The following KIF5B variants were observed in gnomAD, a reference collection of about 807,000 sequenced individuals.
The protein encoded by KIF5B is kinesin family member 5B.
KIF5B carries 49 observed loss-of-function variants against 132.8 expected under a neutral mutation model. The observed-to-expected ratio is 0.37, with a 90% CI of 0.29 to 0.47. The LOEUF is 0.47. KIF5B is among the 20% of genes least tolerant of loss of function. The pLI is 1.00. For missense variants in KIF5B, 780 were observed against 1,144.0 expected (o/e 0.68, Z 4.59); for synonymous variants, 355 against 369.4 (o/e 0.96, Z 0.45).
At chr10:32,017,706 T>C (rs1841194878) in intron 23 of KIF5B, among the ~76,000 whole-genome samples, 1 of 152,332 alleles carries the variant, frequency 6.6e-6, no homozygotes, top group South Asian at 2.1e-4. Context: ...ACTGGGGTAT[T>C]AGGTATAAAA....
intron 24 of KIF5B, among the ~76,000 whole-genome samples, chr10:32,016,456 C>A (rs1841165746): frequency 6.6e-6 from 1 of 151,826 alleles, no homozygotes; most frequent in Admixed American, 6.6e-5. Flanking sequence ...AACTCCATCT[C>A]AAAAAACAAG....
In KIF5B at chr10:32,035,504, A is replaced by G. The variant is rs371842020; in HGVS notation, c.962+18T>C. On this transcript the variant is annotated intron_variant, in intron 10 of 25. Coordinates refer to ENST00000302418, the MANE Select transcript of KIF5B (RefSeq NM_004521.3). ...AGGTCTATCTAAATTTAGGTTTTGT[A>G]CTTTCTTAACAACAAACCTTTGGCC... is the stretch of plus-strand genomic sequence containing the variant. The G allele has an allele frequency of 2.2e-4, 358 of 1,594,586 alleles. No individual in the cohort carries two copies. The highest frequency in any genetic ancestry group is 3.0e-4 in the Non-Finnish European group (347 of 1,171,896).
chr10:32,041,444 A>T (rs1386681736), intron 2 of KIF5B, among the ~76,000 whole-genome samples: 2 of 152,158 alleles, frequency 1.3e-5, no homozygotes, highest in African/African-American at 4.8e-5. Flanking sequence ...TACACTCCAA[A>T]GCTTTATGTG....
intron 13 of KIF5B, 85 bp downstream of exon 13, chr10:32,032,621 C>T (rs1841415820): frequency 1.2e-5 from 12 of 1,039,578 alleles, no homozygotes; most frequent in African/African-American, 1.6e-5. Flanking sequence ...CAAAATTATA[C>T]AACTATTAAA....
chr10:32,021,373 A>G (rs1471196454), intron 17 of KIF5B, 86 bp from the exon 18 acceptor site: 11 of 937,486 alleles, frequency 1.2e-5, no homozygotes, highest in Admixed American at 2.2e-5. Flanking sequence ...TTTTACAATA[A>G]GCATTTTCCT....
At chr10:32,027,894 T>G (rs529019641) in intron 15 of KIF5B, among the ~76,000 whole-genome samples, 1 of 152,260 alleles carries the variant, frequency 6.6e-6, no homozygotes, top group Non-Finnish European at 1.5e-5. Flanking sequence ...TGAGCCACTA[T>G]GTCTGGTCCG....
intron 22 of KIF5B, 49 bp downstream of exon 22, chr10:32,018,267 G>T: frequency 1.4e-6 from 2 of 1,455,282 alleles, no homozygotes; most frequent in South Asian, 1.4e-5. Flanking sequence ...TAATTACCTA[G>T]AAGTAAGCAC....
At chr10:32,012,757 T>C (rs765653710) in intron 25 of KIF5B, among the ~76,000 whole-genome samples, 1 of 152,192 alleles carries the variant, frequency 6.6e-6, no homozygotes, top group Non-Finnish European at 1.5e-5. Flanking sequence ...ATATGAATTT[T>C]AATGTGAGGA....
In KIF5B at chr10:32,034,744, T is replaced by C. The variant is rs1259993549; in HGVS notation, c.1057A>G (p.Ile353Val). 5.0e-6 allele frequency: 8 copies of C among 1,609,466 alleles called. No homozygotes were observed. The African/African-American group carries it at 8.0e-5, about 16-fold the overall frequency. ...KYEKEKEKNK[I>V]LRNTIQWLEN... ...AGCCACTGAATAGTGTTCCGCAGGA[T>C]CTTATTTTTTTCTTTTTCTTTTTCA... Residue 353 changes from isoleucine to valine, a missense_variant, in exon 11 of 26, where the codon ATC (isoleucine) becomes GTC (valine). By Grantham distance (29) the Ile-to-Val change is conservative. This residue lies in a region of KIF5B where 471 missense variants were observed against 569.9 expected (regional missense o/e 0.83). Coordinates refer to ENST00000302418, the MANE Select transcript of KIF5B (RefSeq NM_004521.3).
In KIF5B at chr10:32,055,826, G is replaced by C. The variant is rs755943431; in HGVS notation, c.126+22C>G. 22 of 1,609,564 alleles carry C rather than the reference G, an allele frequency of 1.4e-5. No homozygotes were observed. The South Asian group carries it at 1.8e-4, about 13-fold the overall frequency. ...GCCGGCCCGAAGAAGCGGGAGGAGG[G>C]ATGCCGGCGGGGGTCACTCACCGCG... is the stretch of plus-strand genomic sequence containing the variant. On this transcript the variant is annotated intron_variant, in intron 1 of 25. Transcript: ENST00000302418.
intron 1 of KIF5B, among the ~76,000 whole-genome samples, chr10:32,052,650 CA>C (rs1280624520): frequency 6.6e-6 from 1 of 152,078 alleles, no homozygotes; most frequent in African/African-American, 2.4e-5. Flanking sequence ...CTGGTGTTTC[CA>C]GCAAGCTCAT....
chr10:32,028,154 G>C (rs889427994), intron 15 of KIF5B, among the ~76,000 whole-genome samples: 2 of 151,648 alleles, frequency 1.3e-5, no homozygotes, highest in African/African-American at 4.8e-5. Flanking sequence ...TGTAGAGACA[G>C]GGTTTCGCCA....
At chr10:32,019,235 C>T (rs1841224394) in intron 20 of KIF5B, among the ~76,000 whole-genome samples, 1 of 152,144 alleles carries the variant, frequency 6.6e-6, no homozygotes, top group South Asian at 2.1e-4. Context: ...GTATTCTAAA[C>T]AAAATTACAG....
intron 2 of KIF5B, among the ~76,000 whole-genome samples, chr10:32,040,987 CAAA>C (rs140467980): frequency 4.9e-5 from 5 of 101,326 alleles, no homozygotes; most frequent in Non-Finnish European, 6.0e-5. Flanking sequence ...GACACCATCT[CAAA>C]AAAAAAAAAA....
chr10:32,015,653 G>C lies in KIF5B; in HGVS notation c.2768C>G (p.Pro923Arg). Residue 923 changes from proline to arginine, a missense_variant, in exon 25 of 26, where the codon CCT (proline) becomes CGT (arginine). Coordinates refer to ENST00000302418, the MANE Select transcript of KIF5B (RefSeq NM_004521.3). ...RRGHSAQIAK[P>R]IRPGQHPAAS... The stretch of plus-strand genomic sequence containing the variant: ...TGCTGGATGTTGCCCGGGACGAATA[G>C]GTTTAGCTAATATGAAAAATAAAGA... The C allele has an allele frequency of 1.2e-6, 2 of 1,608,672 alleles. No individual in the cohort carries two copies.
rs1305783202 is a variant in KIF5B at position 32,010,349 on chromosome 10, C to A, written c.*1188G>T. 1 of 152,144 alleles carries A rather than the reference C, an allele frequency of 6.6e-6. No homozygotes were observed. The allele number at this position is 152,144 out of a possible 1,614,324, so 9.4% of individuals were successfully genotyped here. On this transcript the variant is annotated 3_prime_UTR_variant, in exon 26 of 26. Transcript: ENST00000302418. ...CACTTAGTACTGATTACAAAATTAT[C>A]GGCTATGGCCAAGAAAATAATTTAT...
At chr10:32,053,585 G>A (rs1235351550) in intron 1 of KIF5B, among the ~76,000 whole-genome samples, 2 of 151,978 alleles carry the variant, frequency 1.3e-5, no homozygotes, top group Non-Finnish European at 2.9e-5. Flanking sequence ...TTAGCTGGGC[G>A]TGGTAGCGCG....
At chr10:32,011,752 T>C (rs182779696) in intron 25 of KIF5B, among the ~76,000 whole-genome samples, 1 of 151,490 alleles carries the variant, frequency 6.6e-6, no homozygotes, top group South Asian at 2.1e-4. Context: ...TAAAGGGAGG[T>C]CAGCCCTCCC....
rs1190471465 is a variant in KIF5B, at chr10:32,055,979, T to G, written c.-6A>C. On this transcript the variant is annotated 5_prime_UTR_variant, in exon 1 of 26. Coordinates refer to ENST00000302418, the MANE Select transcript of KIF5B (RefSeq NM_004521.3). ...CACTCGGCCAGGTCCGCCATCTTTC[T>G]CGCAGCCGGGGCCGGCGGCCGGGAG... is the stretch of plus-strand genomic sequence containing the variant. 11 of 1,603,058 alleles carry G rather than the reference T, an allele frequency of 6.9e-6. No homozygotes were observed. The highest frequency in any genetic ancestry group is 9.3e-6 in the Non-Finnish European group (11 of 1,179,778).
Sources: gnomAD v4.1 joint callset for allele counts (sites outside exome capture counted in the v4.1 genomes callset) on GRCh38, gnomAD v4.1.1 for gene constraint, gnomAD v4.1.1 regional missense constraint, MANE v1.5 for transcripts, NCBI Gene and HGNC (gene_info 2026-07-23, HGNC 2026-07-21) for gene names.